Variants in MRC2 observed in about 807,000 individuals in gnomAD.
The protein encoded by MRC2 is C-type mannose receptor 2.
MRC2 carries 84 observed loss-of-function variants against 206.2 expected under a neutral mutation model. That is an observed-to-expected ratio of 0.41 (90% CI 0.34 to 0.49). The LOEUF is 0.49. Ranked by LOEUF, MRC2 falls within the 20% of genes least tolerant of loss-of-function variation. The probability of loss-of-function intolerance (pLI) is 0.31; values close to 1 mark genes in which losing one functional copy is unlikely to be tolerated. For synonymous variants in MRC2, 798 were observed against 800.0 expected, an observed-to-expected ratio of 1.00 and a Z score of 0.04; for missense variants, 1,676 against 2,001.5, an observed-to-expected ratio of 0.84 and a Z score of 3.10.
At chr17:62,654,812 G>A (rs567996016) in intron 1 of MRC2, among the ~76,000 whole-genome samples, 53 of 152,358 alleles carry the variant, frequency 3.5e-4, no homozygotes, top group African/African-American at 1.2e-3. Context: ...TGACCTGGAT[G>A]TCTGAGAAAC....
intron 1 of MRC2, among the ~76,000 whole-genome samples, chr17:62,650,806 G>C (rs548467829): frequency 6.6e-6 from 1 of 152,236 alleles, no homozygotes; most frequent in African/African-American, 2.4e-5. Flanking sequence ...GGGCAGGCCT[G>C]GTTCATGCTT....
chr17:62,688,306 C>T lies in MRC2; in HGVS notation c.2964C>T (p.Gly988=). The stretch of plus-strand genomic sequence containing the variant: ...CCCCACAGTGTTTTCAGGTCCAGGG[C>T]CAGGAACCCCAGAGCCGGGTGAAGT... ...QFLNKCFQVQ[G]QEPQSRVKWS... Residue 988 remains glycine, a synonymous_variant, in exon 21 of 30, where the codon GGC becomes GGT. Transcript: ENST00000303375. 6.2e-7 allele frequency: 1 copy of T among 1,614,076 alleles called. No individual in the cohort carries two copies. The highest frequency in any genetic ancestry group is 1.1e-5 in the South Asian group (1 of 91,078).
chr17:62,643,690 A>G (rs995633725), intron 1 of MRC2, among the ~76,000 whole-genome samples: 3 of 152,210 alleles, frequency 2.0e-5, no homozygotes, highest in African/African-American at 4.8e-5. Context: ...TAGCAAAACA[A>G]TTTCACCTCT....
At chr17:62,689,160 T>C (rs1257595979) in intron 23 of MRC2, among the ~76,000 whole-genome samples, 200 bp downstream of exon 23, 7 of 151,976 alleles carry the variant, frequency 4.6e-5, no homozygotes, top group Non-Finnish European at 1.0e-4. Flanking sequence ...TTTGGGGGTA[T>C]GGAGGGCTCG....
At chr17:62,630,447 T>C (rs1260112143) in intron 1 of MRC2, among the ~76,000 whole-genome samples, 3 of 152,130 alleles carry the variant, frequency 2.0e-5, no homozygotes, top group Non-Finnish European at 4.4e-5. Context: ...AGAGACCGTA[T>C]GGGCCAAAGG....
Position 62,667,398 on chromosome 17 carries a change from G to A in MRC2, c.982G>A (p.Asp328Asn), listed in dbSNP as rs756192597. The change falls in exon 6 of 30, where the codon GAC (aspartate) becomes AAC (asparagine). Residue 328 changes from aspartate (D) to asparagine (N), a missense_variant. Coordinates refer to ENST00000303375, the MANE Select transcript of MRC2 (RefSeq NM_006039.5). The surrounding 1 kb of genome is among the most constrained non-coding windows in gnomAD (Gnocchi z 4.1). Reference sequence around the variant, plus strand: ...CCCTGCCCTCCCCACAGACCAGCCGGACAACCCCAGTGAGGAGAACTGTGG... The same window carrying A: ...CCCTGCCCTCCCCACAGACCAGCCGAACAACCCCAGTGAGGAGAACTGTGG... ...KYLNWESDQP[D>N]NPSEENCGVI... The A allele has an allele frequency of 2.5e-5, 40 of 1,600,036 alleles. 1 individual carries two copies. The South Asian group carries it at 4.2e-4, about 17-fold the overall frequency.
intron 20 of MRC2, among the ~76,000 whole-genome samples, chr17:62,684,361 A>G (rs1242842620): frequency 2.0e-5 from 3 of 152,200 alleles, no homozygotes; most frequent in South Asian, 4.1e-4. Context: ...GGATCACTTG[A>G]AGCCAGGAGT....
At chr17:62,682,465 G>T in intron 20 of MRC2, 88 bp downstream of exon 20, 1 of 1,450,184 alleles carries the variant, frequency 6.9e-7, no homozygotes, top group Non-Finnish European at 9.2e-7. Flanking sequence ...TGGCCTTTTG[G>T]CAGCACCAAA....
At chr17:62,662,164 C>T (rs912349713) in intron 1 of MRC2, among the ~76,000 whole-genome samples, 4 of 151,686 alleles carry the variant, frequency 2.6e-5, no homozygotes, top group South Asian at 4.2e-4. Context: ...ACAGAAGAAT[C>T]GCTTGAACCT....
In MRC2 at chr17:62,666,866, G is replaced by A. The variant is rs1359482624; in HGVS notation, c.969G>A (p.Glu323=). The A allele has an allele frequency of 1.9e-6, 3 of 1,613,618 alleles. No individual in the cohort carries two copies. Among genetic ancestry groups the A allele is most frequent in the South Asian group, 2.2e-5 (2 of 91,072 alleles). ...DNSPLKYLNW[E]SDQPDNPSEE... is the part of the protein sequence containing the mutation. ...CGCCCCTCAAGTACCTCAACTGGGAGAGTGGTGAGGCACAAGGTTGGGGGC... is the reference window on the plus strand; with the variant it reads ...CGCCCCTCAAGTACCTCAACTGGGAAAGTGGTGAGGCACAAGGTTGGGGGC... Residue 323 remains glutamate, a synonymous_variant, in exon 5 of 30, where the codon GAG becomes GAA. Transcript: ENST00000303375. The surrounding 1 kb of genome is among the most constrained non-coding windows in gnomAD (Gnocchi z 5.0).
chr17:62,675,914 G>A lies in MRC2; in HGVS notation c.1685+9G>A, dbSNP rs1267188814. On this transcript the variant is annotated intron_variant, in intron 10 of 29. Coordinates refer to ENST00000303375, the MANE Select transcript of MRC2 (RefSeq NM_006039.5). This position sits in a 1 kb window ranked among gnomAD's most constrained non-coding sequence, Gnocchi z 4.1. ...GTCACCATCACCAACAGGTACAGCAGGGGCGGGTGCCCTGACTAGCCCTTG... is the reference window on the plus strand; with the variant it reads ...GTCACCATCACCAACAGGTACAGCAAGGGCGGGTGCCCTGACTAGCCCTTG... 9 of 1,612,398 alleles carry A rather than the reference G, an allele frequency of 5.6e-6. No individual in the cohort carries two copies. The Admixed American group carries it at 6.7e-5, about 12-fold the overall frequency.
chr17:62,649,689 T>A (rs2088531744), intron 1 of MRC2, among the ~76,000 whole-genome samples: 1 of 152,110 alleles, frequency 6.6e-6, no homozygotes, highest in Non-Finnish European at 1.5e-5. Flanking sequence ...GAGCAACAGC[T>A]CATTAGGAAA....
At position 62,676,398 on chromosome 17, in the gene MRC2, C is replaced by T. The variant is rs771782973; in HGVS notation, c.1701C>T (p.Phe567=). The T allele has an allele frequency of 1.5e-5, 25 of 1,614,040 alleles. No individual in the cohort carries two copies. Among genetic ancestry groups the T allele is most frequent in the South Asian group, 8.8e-5 (8 of 91,084 alleles). ...TCTCCTGAAGGTTCGAGCAGGCCTT[C>T]GTCAGCAGCCTCATCTACAACTGGG... is the stretch of plus-strand genomic sequence containing the variant. The part of the protein sequence containing the change: ...VTITNRFEQA[F]VSSLIYNWEG... The change falls in exon 11 of 30, where the codon TTC becomes TTT. Residue 567 remains phenylalanine (F), a synonymous_variant. Transcript: ENST00000303375.
In MRC2 at chr17:62,666,681, G is replaced by A; in HGVS notation, c.859+62G>A. 6.4e-7 allele frequency: 1 copy of A among 1,557,960 alleles called. No homozygotes were observed. The highest frequency in any genetic ancestry group is 8.7e-7 in the Non-Finnish European group (1 of 1,148,628). On this transcript the variant is annotated intron_variant, in intron 4 of 29. Coordinates refer to ENST00000303375, the MANE Select transcript of MRC2 (RefSeq NM_006039.5). The surrounding 1 kb of genome is among the most constrained non-coding windows in gnomAD (Gnocchi z 5.0). ...GGGCCCGGGCCCTTTCCGCTTGTGGGTTGGGGAGAGGGCGATGGGGAGCGG... is the reference window on the plus strand; with the variant it reads ...GGGCCCGGGCCCTTTCCGCTTGTGGATTGGGGAGAGGGCGATGGGGAGCGG...
intron 1 of MRC2, among the ~76,000 whole-genome samples, chr17:62,656,788 G>C (rs2147455315): frequency 6.6e-6 from 1 of 152,330 alleles, no homozygotes; most frequent in South Asian, 2.1e-4. Context: ...GGCTGCAGAT[G>C]ATCCTGAGTG....
chr17:62,680,135 C>T lies in MRC2; in HGVS notation c.2299-35C>T. The T allele has an allele frequency of 6.2e-7, 1 of 1,613,412 alleles. No homozygotes were observed. The highest frequency in any genetic ancestry group is 8.5e-7 in the Non-Finnish European group (1 of 1,179,660). On this transcript the variant is annotated intron_variant, in intron 14 of 29. Transcript: ENST00000303375. This position sits in a 1 kb window ranked among gnomAD's most constrained non-coding sequence, Gnocchi z 4.8. ...CATGGGGGCGGCCTGCACCTTGCGC[C>T]TCACGTTCCTCTTCCCTCCACCCGC...
At chr17:62,670,490 T>A (rs1056925071) in intron 6 of MRC2, among the ~76,000 whole-genome samples, 2 of 152,218 alleles carry the variant, frequency 1.3e-5, no homozygotes, top group African/African-American at 4.8e-5. Context: ...CGTGTTCTAG[T>A]GGGCGCGCAG....
In MRC2 at chr17:62,627,767, C is replaced by G. The variant is rs776170049; in HGVS notation, c.-36C>G. ...CCACAGCGCGTTGCGCCTGTGCGCC[C>G]TCGGTCCCCGCGTCCACTGAGCGCC... On this transcript the variant is annotated 5_prime_UTR_variant, in exon 1 of 30. Coordinates refer to ENST00000303375, the MANE Select transcript of MRC2 (RefSeq NM_006039.5). 5.1e-6 allele frequency: 7 copies of G among 1,367,644 alleles called. No homozygotes were observed. The highest frequency in any genetic ancestry group is 5.6e-6 in the Non-Finnish European group (6 of 1,066,996). 84.7% of individuals were successfully genotyped at this position (1,367,644 alleles called of 1,614,324 possible). A position where few individuals can be genotyped will look rare whatever the true frequency, so the allele number is the denominator to read the frequency against.
chr17:62,685,014 C>T (rs1008309701), intron 20 of MRC2, among the ~76,000 whole-genome samples: 14 of 152,072 alleles, frequency 9.2e-5, no homozygotes, highest in African/African-American at 2.2e-4. Flanking sequence ...TGGTGGTGGA[C>T]GCCTGTAATC....
Sources: allele counts gnomAD v4.1 joint callset (sites outside exome capture counted in the v4.1 genomes callset), GRCh38; gene constraint gnomAD v4.1.1; non-coding constraint Gnocchi (gnomAD v3.1); transcripts MANE v1.5; gene names NCBI Gene and HGNC (gene_info 2026-07-23, HGNC 2026-07-21).